The following OSBPL9 variants were observed in gnomAD, a reference collection of about 807,000 sequenced individuals.
OSBPL9 encodes the protein oxysterol binding protein like 9, also known as oxysterol-binding protein-related protein 9.
Under a neutral mutation model 106.6 loss-of-function variants are expected in OSBPL9, and 40 were observed. The observed-to-expected ratio is 0.38, with a 90% CI of 0.29 to 0.49. The LOEUF (loss-of-function observed/expected upper bound fraction) is 0.49, where lower values mean the gene tolerates loss of function less well. Ranked by LOEUF, OSBPL9 falls within the 20% of genes least tolerant of loss-of-function variation. The pLI is 0.97. For synonymous variants in OSBPL9, 269 were observed against 295.4 expected (o/e 0.91, Z 0.92); for missense variants, 609 against 887.2 (o/e 0.69, Z 3.98).
intron 4 of OSBPL9, chr1:51,730,013 C>T (rs750827430): frequency 1.5e-6 from 2 of 1,311,512 alleles, no homozygotes; most frequent in African/African-American, 1.5e-5. Context: ...TGAGTAGACC[C>T]CGAGGGTCTG....
intron 2 of OSBPL9, among the ~76,000 whole-genome samples, chr1:51,660,587 A>C (rs780926508): frequency 1.4e-4 from 21 of 152,214 alleles, no homozygotes; most frequent in Admixed American, 3.9e-4. Context: ...ATTGAATGCA[A>C]AAGCAAAGCA....
In OSBPL9 at chr1:51,782,548, T is replaced by C. The variant is rs1227356308; in HGVS notation, c.1429-11T>C. 4.3e-6 allele frequency: 7 copies of C among 1,611,466 alleles called. No homozygotes were observed. Among genetic ancestry groups the C allele is most frequent in the Non-Finnish European group, 5.9e-6 (7 of 1,178,372 alleles). Reference sequence around the variant, plus strand: ...CTCATCAAAAGAAAATTATGTTATATTTGCTTGCAGGAACTAGTTTCAGAA... The same window carrying C: ...CTCATCAAAAGAAAATTATGTTATACTTGCTTGCAGGAACTAGTTTCAGAA... On this transcript the variant is annotated splice_polypyrimidine_tract_variant and intron_variant, in intron 16 of 23. Transcript: ENST00000428468.
At chr1:51,552,244 T>G in the OSBPL9 span, among the ~76,000 whole-genome samples, 1 of 152,226 alleles carries the variant, frequency 6.6e-6, no homozygotes, top group Non-Finnish European at 1.5e-5. Context: ...GAAACTTCTC[T>G]GTTTTATTTC....
chr1:51,581,803 A>G (rs1185714970), intron 1 of OSBPL9, among the ~76,000 whole-genome samples: 2 of 152,172 alleles, frequency 1.3e-5, no homozygotes, highest in East Asian at 1.9e-4. Flanking sequence ...ATGTGCCACC[A>G]CAACTGGCTT....
At chr1:51,723,569 A>C (rs964317559) in intron 4 of OSBPL9, among the ~76,000 whole-genome samples, 1 of 151,488 alleles carries the variant, frequency 6.6e-6, no homozygotes, top group Non-Finnish European at 1.5e-5. Context: ...TTAAGAGACA[A>C]GGTGTCTCAC....
At chr1:51,602,106 C>T (rs908801909) in intron 2 of OSBPL9, among the ~76,000 whole-genome samples, 5 of 144,852 alleles carry the variant, frequency 3.5e-5, no homozygotes, top group East Asian at 2.2e-4. Flanking sequence ...CTGCAAGCTC[C>T]GCCTTCTGGG....
At chr1:51,519,178 C>T in the OSBPL9 span, 2 of 1,429,226 alleles carry the variant, frequency 1.4e-6, no homozygotes, top group Non-Finnish European at 9.2e-7. Context: ...CCAAGCCCGG[C>T]GGACGGGCGT....
At chr1:51,774,341 T>A (rs1382762567) in intron 14 of OSBPL9, among the ~76,000 whole-genome samples, 1 of 152,238 alleles carries the variant, frequency 6.6e-6, no homozygotes, top group Non-Finnish European at 1.5e-5. Context: ...TTATCATAAT[T>A]ATTTTTTACT....
rs757775608 is a variant in OSBPL9 at position 51,781,344 on chromosome 1, T to C, written c.1428+9T>C. ...ATACTGAAGAGAACACAGTGAGTTC[T>C]GCATTGACATTTTTAAATTATCTTA... On this transcript the variant is annotated intron_variant, in intron 16 of 23. Transcript: ENST00000428468. 12 of 1,610,650 alleles carry C rather than the reference T, an allele frequency of 7.5e-6. No homozygotes were observed. In the East Asian group the frequency reaches 2.5e-4, roughly 33 times the overall value.
chr1:51,690,487 A>C (rs1654732679), intron 3 of OSBPL9, among the ~76,000 whole-genome samples: 1 of 152,232 alleles, frequency 6.6e-6, no homozygotes, highest in Admixed American at 6.5e-5. Flanking sequence ...AGCTAAAACT[A>C]TTCATAAATT....
chr1:51,625,917 T>C (rs1644739323), intron 1 of OSBPL9, among the ~76,000 whole-genome samples: 1 of 152,260 alleles, frequency 6.6e-6, no homozygotes, highest in South Asian at 2.1e-4. Context: ...GGAAAGTATT[T>C]CCAGGTATTC....
At chr1:51,631,675 C>G (rs569015179) in intron 1 of OSBPL9, among the ~76,000 whole-genome samples, 2 of 152,310 alleles carry the variant, frequency 1.3e-5, no homozygotes, top group South Asian at 4.1e-4. Context: ...CTCTAATCTC[C>G]TAGCCTGGTG....
At position 51,732,198 on chromosome 1, in the gene OSBPL9, A is replaced by G. The variant is rs531661800; in HGVS notation, c.319-13338A>G. 1.9e-3 allele frequency among the ~76,000 whole-genome samples: 291 copies of G among 152,316 alleles called. 2 individuals are homozygous for G. Among genetic ancestry groups the G allele is most frequent in the Admixed American group, 0.011 (163 of 15,300 alleles). On this transcript the variant is annotated intron_variant, in intron 4 of 23. Coordinates refer to ENST00000428468, the MANE Select transcript of OSBPL9 (RefSeq NM_024586.6). ...GCTGGTTGGAAAGTCAGGCACTCAC[A>G]TGGTTTGCACGCTGTTGATTAAGAA...
At chr1:51,647,645 G>T (rs751098298) in intron 1 of OSBPL9, among the ~76,000 whole-genome samples, 1 of 151,802 alleles carries the variant, frequency 6.6e-6, no homozygotes, top group Non-Finnish European at 1.5e-5. Flanking sequence ...ATCTTTCTTG[G>T]AATTTATTGG....
intron 3 of OSBPL9, among the ~76,000 whole-genome samples, chr1:51,701,819 C>T (rs1353171228): frequency 6.6e-6 from 1 of 152,018 alleles, no homozygotes; most frequent in Non-Finnish European, 1.5e-5. Flanking sequence ...CACAACAGGC[C>T]CCAGTGTGTG....
chr1:51,586,303 TC>T (rs1645247228), intron 1 of OSBPL9, among the ~76,000 whole-genome samples: 1 of 152,158 alleles, frequency 6.6e-6, no homozygotes, highest in Non-Finnish European at 1.5e-5. Flanking sequence ...TTTCTTCTAT[TC>T]TTTTTTTATG....
At chr1:51,552,703 C>T in the OSBPL9 span, among the ~76,000 whole-genome samples, 1 of 152,056 alleles carries the variant, frequency 6.6e-6, no homozygotes, top group Non-Finnish European at 1.5e-5. Context: ...CAGCTCACTG[C>T]AACCTCCGCC....
At chr1:51,570,371 C>G in the OSBPL9 span, among the ~76,000 whole-genome samples, 4 of 152,228 alleles carry the variant, frequency 2.6e-5, no homozygotes, top group East Asian at 7.7e-4. Flanking sequence ...GAGGCTATTT[C>G]ACTTGTGCAG....
At chr1:51,525,149 G>A in the OSBPL9 span, among the ~76,000 whole-genome samples, 4 of 152,198 alleles carry the variant, frequency 2.6e-5, no homozygotes, top group Non-Finnish European at 5.9e-5. Flanking sequence ...AATAACAAGA[G>A]CATGGGCTTC....
Sources: allele counts gnomAD v4.1 joint callset (sites outside exome capture counted in the v4.1 genomes callset), GRCh38; gene constraint gnomAD v4.1.1; transcripts MANE v1.5; gene names NCBI Gene and HGNC (gene_info 2026-07-23, HGNC 2026-07-21).